Variants in CLVS1 observed in about 807,000 individuals in gnomAD.
The protein encoded by CLVS1 is clavesin-1.
A neutral mutation model predicts 33.1 loss-of-function variants in CLVS1; 10 were observed. The ratio of observed to expected loss-of-function variants is 0.30; its 90% CI spans 0.19 to 0.51. The LOEUF is 0.51. Among genes scored for constraint, CLVS1 ranks in the 20% least tolerant of loss-of-function variants. The pLI is 0.97. For synonymous variants in CLVS1, 163 were observed against 166.1 expected (o/e 0.98, Z 0.14); for missense variants, 343 against 433.4 (o/e 0.79, Z 1.85).
chr8:61,498,085 C>G (rs541629236), intron 5 of CLVS1, among the ~76,000 whole-genome samples: 1 of 152,308 alleles, frequency 6.6e-6, no homozygotes, highest in East Asian at 1.9e-4. Context: ...ATGCCTTAAC[C>G]TTCTGGGAAT....
At chr8:61,239,306 T>C (rs191342863) in intron 2 of CLVS1, among the ~76,000 whole-genome samples, 1 of 152,334 alleles carries the variant, frequency 6.6e-6, no homozygotes, top group Admixed American at 6.5e-5. Context: ...TTGCTTAACG[T>C]TGGTGGAATC....
intron 3 of CLVS1, among the ~76,000 whole-genome samples, chr8:61,393,861 T>G (rs1471173911): frequency 6.6e-6 from 1 of 152,168 alleles, no homozygotes; most frequent in Admixed American, 6.5e-5. Context: ...TTTTGTTTAG[T>G]GCACTGGTTT....
At chr8:61,348,531 T>C (rs1812322370) in intron 2 of CLVS1, among the ~76,000 whole-genome samples, 1 of 152,174 alleles carries the variant, frequency 6.6e-6, no homozygotes, top group Non-Finnish European at 1.5e-5. Flanking sequence ...GGTTCATTCA[T>C]ATTGTTGCAA....
At chr8:61,076,332 G>T (rs1266648870) in intron 1 of CLVS1, among the ~76,000 whole-genome samples, 3 of 152,200 alleles carry the variant, frequency 2.0e-5, no homozygotes, top group Non-Finnish European at 4.4e-5. Flanking sequence ...CATGCATGCT[G>T]GGTGGGGACC....
intron 2 of CLVS1, among the ~76,000 whole-genome samples, chr8:61,344,585 A>G (rs1470585171): frequency 1.3e-5 from 2 of 152,202 alleles, no homozygotes; most frequent in African/African-American, 4.8e-5. Context: ...CAATCTGCTC[A>G]GCCCTCAATT....
chr8:61,410,326 A>G (rs915466771), intron 3 of CLVS1, among the ~76,000 whole-genome samples: 1 of 152,076 alleles, frequency 6.6e-6, no homozygotes, highest in African/African-American at 2.4e-5. Context: ...TTCTGATTAT[A>G]CTTTCCATCT....
At position 61,100,473 on chromosome 8, in the gene CLVS1, C is replaced by T. The variant is rs1396705905; in HGVS notation, c.-242-31297C>T. ...CTTCCCCACAAAAGCTTTGAAGGAACATAACTTTCAAGTCACAATTTGCCT... is the reference window on the plus strand; with the variant it reads ...CTTCCCCACAAAAGCTTTGAAGGAATATAACTTTCAAGTCACAATTTGCCT... On this transcript the variant is annotated intron_variant, in intron 1 of 2. Transcript: ENST00000522621. 6.6e-5 allele frequency among the ~76,000 whole-genome samples: 10 copies of T among 152,148 alleles called. 1 individual carries two copies. In the East Asian group the frequency reaches 1.2e-3, roughly 18 times the overall value.
chr8:61,175,904 A>G (rs1182122690), intron 2 of CLVS1, among the ~76,000 whole-genome samples: 1 of 152,176 alleles, frequency 6.6e-6, no homozygotes, highest in East Asian at 1.9e-4. Flanking sequence ...TCAGCTCAAC[A>G]TCTGCCTAAT....
intron 1 of CLVS1, among the ~76,000 whole-genome samples, chr8:61,093,905 G>A (rs1251467138): frequency 6.6e-6 from 1 of 152,194 alleles, no homozygotes; most frequent in East Asian, 1.9e-4. Context: ...GGGACAGACA[G>A]GCCAGTCTTT....
intron 2 of CLVS1, among the ~76,000 whole-genome samples, chr8:61,375,264 TTTA>T (rs1453085456): frequency 6.6e-6 from 1 of 151,384 alleles, no homozygotes; most frequent in Non-Finnish European, 1.5e-5. Context: ...TTTTTTTTTT[TTTA>T]TGAGACAGAG....
intron 5 of CLVS1, among the ~76,000 whole-genome samples, chr8:61,477,894 G>T (rs377575180): frequency 2.0e-5 from 3 of 152,092 alleles, no homozygotes; most frequent in Admixed American, 6.5e-5. Flanking sequence ...TGATGTTAGG[G>T]TGTCAATTTT....
At chr8:61,151,187 A>G (rs985190148) in intron 2 of CLVS1, among the ~76,000 whole-genome samples, 4 of 152,208 alleles carry the variant, frequency 2.6e-5, no homozygotes, top group African/African-American at 9.6e-5. Flanking sequence ...TTCTGAGATA[A>G]CAGTTTAGCA....
rs532185987 is a variant in CLVS1 at position 61,398,427 on chromosome 8, C to T, written c.630+21648C>T. ...TAACTCCTGAACTCATGTGATCCAC[C>T]TGCCTCGGCCTCCCAAAGTGCTGGG... On this transcript the variant is annotated intron_variant, in intron 3 of 5. Coordinates refer to ENST00000325897, the MANE Select transcript of CLVS1 (RefSeq NM_173519.3). 9.8e-5 allele frequency among the ~76,000 whole-genome samples: 15 copies of T among 152,306 alleles called. 1 individual carries two copies. In the South Asian group the frequency reaches 1.2e-3, roughly 13 times the overall value.
At position 61,392,248 on chromosome 8, in the gene CLVS1, CTT is replaced by C. The variant is rs71877243; in HGVS notation, c.630+15470_630+15471del. Among the ~76,000 whole-genome samples the C allele has an allele frequency of 8.1e-3, 1,231 of 152,074 alleles. 27 individuals are homozygous for C. Among genetic ancestry groups the C allele is most frequent in the African/African-American group, 0.028 (1,142 of 41,418 alleles). On this transcript the variant is annotated intron_variant, in intron 3 of 5. Transcript: ENST00000325897. ...TCAGGAGACTGAAGCAGGAGGATCT[CTT>C]GAGACAAGGAGTTGGAGGCTGCAGT...
At chr8:61,324,369 C>G (rs1184107537) in intron 2 of CLVS1, among the ~76,000 whole-genome samples, 2 of 152,088 alleles carry the variant, frequency 1.3e-5, no homozygotes, top group African/African-American at 4.8e-5. Context: ...CTTGCTGCCA[C>G]CCTGGAAGAA....
intron 1 of CLVS1, among the ~76,000 whole-genome samples, chr8:61,086,416 G>A (rs1206193242): frequency 1.3e-5 from 2 of 152,058 alleles, no homozygotes; most frequent in African/African-American, 4.8e-5. Flanking sequence ...GTCAAGCAAC[G>A]AATAGTTTTC....
chr8:61,376,922 T>C, intron 3 of CLVS1, 143 bp downstream of exon 3: 1 of 677,156 alleles, frequency 1.5e-6, no homozygotes, highest in East Asian at 2.9e-5. Flanking sequence ...TGTTTTTGCC[T>C]CAGCCAGAGT....
At chr8:61,190,232 C>T (rs1807441034) in intron 2 of CLVS1, among the ~76,000 whole-genome samples, 1 of 152,184 alleles carries the variant, frequency 6.6e-6, no homozygotes, top group African/African-American at 2.4e-5. Flanking sequence ...CTCCAAACTG[C>T]TCAACTACAT....
intron 2 of CLVS1, among the ~76,000 whole-genome samples, chr8:61,261,597 G>C (rs747445777): frequency 6.6e-5 from 10 of 152,096 alleles, no homozygotes; most frequent in Non-Finnish European, 1.3e-4. Context: ...GCTTTGGGGA[G>C]GTGATTATAT....
Sources: allele counts gnomAD v4.1 joint callset (sites outside exome capture counted in the v4.1 genomes callset), GRCh38; gene constraint gnomAD v4.1.1; transcripts MANE v1.5; gene names NCBI Gene and HGNC (gene_info 2026-07-23, HGNC 2026-07-21).